NT5DC1: variants seen among roughly 807,000 people sequenced by gnomAD.
The protein encoded by NT5DC1 is 5'-nucleotidase domain containing 1, also known as 5'-nucleotidase domain-containing protein 1.
In NT5DC1, 42 loss-of-function variants were observed where a neutral mutation model predicts 59.4. That is an observed-to-expected ratio of 0.71 (90% CI 0.55 to 0.92). NT5DC1 has a LOEUF of 0.92. NT5DC1 is among the 40% of genes least tolerant of loss of function. The pLI is 0.00. For synonymous variants in NT5DC1, 172 were observed against 188.1 expected (o/e 0.91, Z 0.70); for missense variants, 501 against 537.1 (o/e 0.93, Z 0.66).
At chr6:116,125,703 ATACTCAGG>A (rs1440461199) in intron 6 of NT5DC1, 1 of 444,494 alleles carries the variant, frequency 2.2e-6, no homozygotes, top group African/African-American at 2.0e-5. Context: ...TTTGGAAGCT[ATACTCAGG>A]TAATCAAGTG....
intron 6 of NT5DC1, among the ~76,000 whole-genome samples, chr6:116,216,223 T>G (rs1038929965): frequency 6.6e-6 from 1 of 152,166 alleles, no homozygotes; most frequent in Non-Finnish European, 1.5e-5. Context: ...GTAATAAAGA[T>G]ACTATAAAAT....
chr6:116,129,237 T>G (rs1311435096), intron 6 of NT5DC1, among the ~76,000 whole-genome samples: 1 of 152,214 alleles, frequency 6.6e-6, no homozygotes, highest in Non-Finnish European at 1.5e-5. Context: ...AACATATGTA[T>G]ACACATGTCT....
intron 6 of NT5DC1, among the ~76,000 whole-genome samples, chr6:116,173,547 T>C (rs1780662982): frequency 6.6e-6 from 1 of 152,066 alleles, no homozygotes; most frequent in African/African-American, 2.4e-5. Flanking sequence ...ACAGCAACAC[T>C]AAAGCTGAGC....
At chr6:116,131,930 G>A (rs911487770) in intron 6 of NT5DC1, among the ~76,000 whole-genome samples, 8 of 152,062 alleles carry the variant, frequency 5.3e-5, no homozygotes, top group Admixed American at 1.3e-4. Flanking sequence ...GCAGTATTTG[G>A]TGTTCTGTTC....
At chr6:116,120,805 T>G in intron 6 of NT5DC1, 1 of 1,612,744 alleles carries the variant, frequency 6.2e-7, no homozygotes, top group Admixed American at 1.7e-5. Flanking sequence ...GGCCAGCCTC[T>G]CCATTGTGTC....
chr6:116,115,385 T>C (rs1778945210), intron 4 of NT5DC1, among the ~76,000 whole-genome samples: 2 of 152,188 alleles, frequency 1.3e-5, no homozygotes. Context: ...TCATATGGCT[T>C]TTTCATATTC....
rs144493383 is a variant in NT5DC1 at position 116,225,826 on chromosome 6, A to G, written c.802+2695A>G. ...AGATCGAAGATACTGGAATATGTAT[A>G]TGTGCTGATGAGAATGATCTGCTGC... On this transcript the variant is annotated intron_variant, in intron 8 of 11. Coordinates refer to ENST00000319550, the MANE Select transcript of NT5DC1 (RefSeq NM_152729.3). Among the ~76,000 whole-genome samples the G allele has an allele frequency of 2.2e-3, 339 of 152,344 alleles. 2 individuals are homozygous for G. Among genetic ancestry groups the G allele is most frequent in the African/African-American group, 7.9e-3 (328 of 41,574 alleles).
At chr6:116,237,108 C>T (rs767646409) in intron 9 of NT5DC1, 24 bp downstream of exon 9, 1 of 1,298,252 alleles carries the variant, frequency 7.7e-7, no homozygotes. Context: ...GAGGAGAAGT[C>T]CTCAGTGCCC....
At position 116,246,589 on chromosome 6, in the gene NT5DC1, T is replaced by C. The variant is rs1771853657; in HGVS notation, c.*2565T>C. ...GAAAATCAAACTGCCTCTCTAGATA[T>C]AATAACCTTCACTGACTGTTGGAAA... On this transcript the variant is annotated 3_prime_UTR_variant, in exon 12 of 12. Coordinates refer to ENST00000319550, the MANE Select transcript of NT5DC1 (RefSeq NM_152729.3). 6.6e-6 allele frequency: 1 copy of C among 152,126 alleles called. No individual in the cohort carries two copies. Among genetic ancestry groups the C allele is most frequent in the African/African-American group, 2.4e-5 (1 of 41,446 alleles). The allele number at this position is 152,126 out of a possible 1,614,324, so 9.4% of individuals were successfully genotyped here.
intron 6 of NT5DC1, among the ~76,000 whole-genome samples, chr6:116,181,175 A>G (rs1028542441): frequency 6.6e-6 from 1 of 152,078 alleles, no homozygotes; most frequent in African/African-American, 2.4e-5. Context: ...TCACCTCTCT[A>G]CTGTTACATG....
At chr6:116,163,759 C>T (rs1353573997) in intron 6 of NT5DC1, among the ~76,000 whole-genome samples, 1 of 152,098 alleles carries the variant, frequency 6.6e-6, no homozygotes, top group Non-Finnish European at 1.5e-5. Flanking sequence ...GTACTATGAA[C>T]TTTCCTCTTA....
At chr6:116,168,223 G>A (rs1265491660) in intron 6 of NT5DC1, among the ~76,000 whole-genome samples, 1 of 150,868 alleles carries the variant, frequency 6.6e-6, no homozygotes, top group Non-Finnish European at 1.5e-5. Context: ...CTCTTTCTGG[G>A]ATTTCAGTTA....
At chr6:116,220,853 A>G (rs58725692) in intron 6 of NT5DC1, among the ~76,000 whole-genome samples, 6,969 of 152,300 alleles carry the variant, frequency 0.046, 179 homozygotes, top group Non-Finnish European at 0.059. Flanking sequence ...ATCAACTAAC[A>G]TTTTCAAACA....
chr6:116,154,106 G>A (rs1412360002), intron 6 of NT5DC1, among the ~76,000 whole-genome samples: 1 of 150,042 alleles, frequency 6.7e-6, no homozygotes, highest in East Asian at 2.0e-4. Context: ...GTTAAAACAT[G>A]GCTCTCAAAT....
intron 6 of NT5DC1, among the ~76,000 whole-genome samples, chr6:116,191,270 A>G (rs1781111877): frequency 1.3e-5 from 2 of 152,062 alleles, no homozygotes; most frequent in African/African-American, 4.8e-5. Flanking sequence ...CTCCAAGGAC[A>G]AGTTGCTTCA....
At chr6:116,179,205 G>A (rs1239848745) in intron 6 of NT5DC1, among the ~76,000 whole-genome samples, 1 of 152,030 alleles carries the variant, frequency 6.6e-6, no homozygotes, top group African/African-American at 2.4e-5. Context: ...ATAACATATA[G>A]TAGATATTCT....
chr6:116,162,899 G>A (rs1443099257), intron 6 of NT5DC1, among the ~76,000 whole-genome samples: 2 of 151,814 alleles, frequency 1.3e-5, no homozygotes, highest in African/African-American at 2.4e-5. Flanking sequence ...AGGCCAAGGC[G>A]GGCAGATCAC....
At chr6:116,160,069 T>C (rs1462348161) in intron 6 of NT5DC1, among the ~76,000 whole-genome samples, 1 of 152,216 alleles carries the variant, frequency 6.6e-6, no homozygotes, top group Non-Finnish European at 1.5e-5. Flanking sequence ...TAGTGCTCAA[T>C]AAACATATAA....
intron 11 of NT5DC1, among the ~76,000 whole-genome samples, chr6:116,241,284 C>A (rs1771710615): frequency 5.3e-5 from 8 of 151,642 alleles, no homozygotes; most frequent in Admixed American, 5.3e-4. Context: ...ACTGGAGATG[C>A]AAGAAGAATG....
Sources: allele counts gnomAD v4.1 joint callset (sites outside exome capture counted in the v4.1 genomes callset), GRCh38; gene constraint gnomAD v4.1.1; transcripts MANE v1.5; gene names NCBI Gene and HGNC (gene_info 2026-07-23, HGNC 2026-07-21).